N4BP2L1: variants seen among roughly 807,000 people sequenced by gnomAD.
The protein encoded by N4BP2L1 is NEDD4 binding protein 2 like 1.
N4BP2L1 carries 12 observed loss-of-function variants against 21.2 expected under a neutral mutation model. The observed-to-expected ratio is 0.57, with a 90% confidence interval of 0.36 to 0.92. The LOEUF (loss-of-function observed/expected upper bound fraction) is 0.92, where lower values mean the gene tolerates loss of function less well. Ranked by LOEUF, N4BP2L1 falls within the 40% of genes least tolerant of loss-of-function variation. The pLI is 0.01. For missense variants in N4BP2L1, 259 were observed against 310.6 expected, an observed-to-expected ratio of 0.83 and a Z score of 1.25; for synonymous variants, 104 against 112.8, an observed-to-expected ratio of 0.92 and a Z score of 0.49.
intron 1 of N4BP2L1, among the ~76,000 whole-genome samples, chr13:32,414,264 C>A (rs1227205570): frequency 6.6e-6 from 1 of 152,174 alleles, no homozygotes; most frequent in African/African-American, 2.4e-5. Context: ...ATATGGCATA[C>A]TTATTCCTAT....
chr13:32,426,685 C>T (rs1160918859), intron 1 of N4BP2L1, among the ~76,000 whole-genome samples: 1 of 152,154 alleles, frequency 6.6e-6, no homozygotes, highest in Non-Finnish European at 1.5e-5. Context: ...CCATGGCTAG[C>T]CTTATCTCTC....
chr13:32,428,009 G>GGCCGCT lies in N4BP2L1; in HGVS notation c.68_73dup (p.Gln23_Arg24dup), dbSNP rs755708222. On this transcript the variant is annotated inframe_insertion, in exon 1 of 5. Transcript: ENST00000380130. ...TGTCCCCCGCGGGGGCGGCCGGGGC[G>GGCCGCT]GCCGCTGCCGCTGCTGCTGCTGCTG... The GGCCGCT allele has an allele frequency of 3.1e-5, 49 of 1,560,354 alleles. No individual in the cohort carries two copies. The highest frequency in any genetic ancestry group is 4.1e-5 in the Non-Finnish European group (47 of 1,156,026).
chr13:32,403,140 G>C lies in N4BP2L1; in HGVS notation c.534C>G (p.His178Gln). ...GAAGCACACTGTGAAAAGTAACATC[G>C]TGTTCATACCGTTCTTTCATTCGGT... ...KIHRMKERYE[H>Q]DVTFHSVLHA... Residue 178 changes from histidine (H) to glutamine (Q), a missense_variant, in exon 5 of 5, where the codon CAC becomes CAG. His to Gln is a conservative substitution (Grantham distance 24). Coordinates refer to ENST00000380130, the MANE Select transcript of N4BP2L1 (RefSeq NM_052818.3). 1.2e-6 allele frequency: 2 copies of C among 1,613,676 alleles called. No individual in the cohort carries two copies. Among genetic ancestry groups the C allele is most frequent in the Non-Finnish European group, 1.7e-6 (2 of 1,179,864 alleles).
At chr13:32,427,849 C>A in intron 1 of N4BP2L1, 55 bp downstream of exon 1, 1 of 1,235,208 alleles carries the variant, frequency 8.1e-7, no homozygotes, top group Non-Finnish European at 1.0e-6. Flanking sequence ...TGCGCTCGGC[C>A]GGGGCGTTTG....
In N4BP2L1 at chr13:32,402,938, G is replaced by A. The variant is rs746123400; in HGVS notation, c.*4C>T. 1 of 1,574,622 alleles carries A rather than the reference G, an allele frequency of 6.4e-7. No homozygotes were observed. Among genetic ancestry groups the A allele is most frequent in the Non-Finnish European group, 8.6e-7 (1 of 1,157,782 alleles). On this transcript the variant is annotated 3_prime_UTR_variant, in exon 5 of 5. Coordinates refer to ENST00000380130, the MANE Select transcript of N4BP2L1 (RefSeq NM_052818.3). Reference sequence around the variant, plus strand: ...AAAATTCTGCCTGGCTGTAAGATAGGCCTCTAATATCCATGGTGACAACCG... The same window carrying A: ...AAAATTCTGCCTGGCTGTAAGATAGACCTCTAATATCCATGGTGACAACCG...
At chr13:32,408,712 T>G (rs2073674015) in intron 1 of N4BP2L1, among the ~76,000 whole-genome samples, 1 of 152,134 alleles carries the variant, frequency 6.6e-6, no homozygotes, top group South Asian at 2.1e-4. Context: ...ATGGCCATGC[T>G]CAGAATAAGA....
In N4BP2L1 at chr13:32,427,964, A is replaced by T. The variant is rs1010144092; in HGVS notation, c.119T>A (p.Phe40Tyr). The change falls in exon 1 of 5, where the codon TTT (phenylalanine) becomes TAT (tyrosine). Residue 40 changes from phenylalanine (F) to tyrosine (Y), a missense_variant. Physicochemically the swap from Phe to Tyr is conservative, Grantham distance 22 (BLOSUM62 3). This residue lies in a region of N4BP2L1 where 91 missense variants were observed against 148.1 expected (regional missense o/e 0.61). Coordinates refer to ENST00000380130, the MANE Select transcript of N4BP2L1 (RefSeq NM_052818.3). ...PRGTPPRRHS[F>Y]RKHLYLLRGL... Reference sequence around the variant, plus strand: ...TCGCAGGAGGTAGAGGTGTTTCCTAAAGCTGTGGCGGCGAGGAGGTGTCCC... The same window carrying T: ...TCGCAGGAGGTAGAGGTGTTTCCTATAGCTGTGGCGGCGAGGAGGTGTCCC... The T allele has an allele frequency of 1.9e-6, 3 of 1,544,296 alleles. No homozygotes were observed. In the African/African-American group the frequency reaches 4.2e-5, roughly 22 times the overall value.
chr13:32,402,354 G>T lies in N4BP2L1; in HGVS notation c.*588C>A, dbSNP rs567896576. Reference sequence around the variant, plus strand: ...AACAATGATACATCATTAAAATAAAGAAATAACTTCCCAAAGTGTCTACTT... The same window carrying T: ...AACAATGATACATCATTAAAATAAATAAATAACTTCCCAAAGTGTCTACTT... On this transcript the variant is annotated 3_prime_UTR_variant, in exon 5 of 5. Transcript: ENST00000380130. 5.9e-5 allele frequency: 37 copies of T among 630,922 alleles called. 1 individual carries two copies. In the East Asian group the frequency reaches 9.8e-4, roughly 17 times the overall value. 39.1% of individuals were successfully genotyped at this position (630,922 alleles called of 1,614,324 possible).
intron 1 of N4BP2L1, chr13:32,419,346 A>C (rs1273399721): frequency 2.4e-6 from 1 of 414,590 alleles, no homozygotes; most frequent in Admixed American, 2.8e-5. Flanking sequence ...CTCGGGTTCA[A>C]GTGATTCTCC....
Position 32,402,978 on chromosome 13 carries a change from G to T in N4BP2L1, c.696C>A (p.Ser232=). The part of the protein sequence containing the change: ...RAHGGFTNES[S]YHRRGGCHHG... ...GGTGACAACCGCCCCTTCTGTGATAGGAGCTCTCATTTGTAAATCCACCGT... is the reference window on the plus strand; with the variant it reads ...GGTGACAACCGCCCCTTCTGTGATATGAGCTCTCATTTGTAAATCCACCGT... The change falls in exon 5 of 5, where the codon TCC becomes TCA. Residue 232 remains serine (S), a synonymous_variant. Transcript: ENST00000380130. 6.2e-7 allele frequency: 1 copy of T among 1,613,340 alleles called. No individual in the cohort carries two copies. Among genetic ancestry groups the T allele is most frequent in the Non-Finnish European group, 8.5e-7 (1 of 1,179,476 alleles).
intron 1 of N4BP2L1, among the ~76,000 whole-genome samples, chr13:32,422,146 C>T (rs570729722): frequency 1.3e-5 from 2 of 152,224 alleles, no homozygotes; most frequent in African/African-American, 4.8e-5. Flanking sequence ...AAAATAAATT[C>T]CCTGGTGAGT....
chr13:32,402,462 C>T lies in N4BP2L1; in HGVS notation c.*480G>A, dbSNP rs1198207551. ...TCAGTATCATAAGAGTCGCACATCT[C>T]ACATTTTTAGATACATAGATTATCA... On this transcript the variant is annotated 3_prime_UTR_variant, in exon 5 of 5. Transcript: ENST00000380130. 1.1e-5 allele frequency: 11 copies of T among 972,562 alleles called. No individual in the cohort carries two copies. The highest frequency in any genetic ancestry group is 1.3e-5 in the Non-Finnish European group (11 of 818,816). 60.2% of individuals were successfully genotyped at this position (972,562 alleles called of 1,614,324 possible). A position where few individuals can be genotyped will look rare whatever the true frequency, so the allele number is the denominator to read the frequency against.
upstream of N4BP2L1, chr13:32,428,231 C>T (rs2074912508): frequency 2.7e-6 from 2 of 751,982 alleles, no homozygotes; most frequent in Admixed American, 3.7e-5. Context: ...CCCGCCGGAA[C>T]CGTGCTGCGT....
intron 1 of N4BP2L1, among the ~76,000 whole-genome samples, chr13:32,415,507 T>G (rs138417671): frequency 2.6e-5 from 4 of 152,240 alleles, no homozygotes; most frequent in African/African-American, 9.6e-5. Context: ...TATTTTCACA[T>G]TTGTCTTCTA....
intron 1 of N4BP2L1, among the ~76,000 whole-genome samples, chr13:32,422,966 A>G (rs2074565867): frequency 1.3e-5 from 2 of 149,842 alleles, no homozygotes; most frequent in South Asian, 4.4e-4. Flanking sequence ...GCTTGCTTTT[A>G]TTAATGAGAG....
chr13:32,405,996 G>A (rs903516675), intron 3 of N4BP2L1, among the ~76,000 whole-genome samples: 2 of 143,022 alleles, frequency 1.4e-5, no homozygotes, highest in Non-Finnish European at 3.0e-5. Flanking sequence ...TCCACCTCCC[G>A]GGTTCACGCC....
At chr13:32,415,941 T>A (rs2074113951) in intron 1 of N4BP2L1, 1 of 152,210 alleles carries the variant, frequency 6.6e-6, no homozygotes, top group African/African-American at 2.4e-5. Context: ...TCCTTAGAGG[T>A]TATATCCATT....
At chr13:32,425,165 G>C (rs879480428) in intron 1 of N4BP2L1, 2 of 152,132 alleles carry the variant, frequency 1.3e-5, no homozygotes, top group African/African-American at 2.4e-5. Context: ...CTATATACAT[G>C]TGTATTTTTA....
At chr13:32,409,605 G>A (rs182901507) in intron 1 of N4BP2L1, among the ~76,000 whole-genome samples, 207 of 152,358 alleles carry the variant, frequency 1.4e-3, no homozygotes, top group Admixed American at 3.6e-3. Flanking sequence ...CCAGCCAAAG[G>A]AGTCAGACCT....
Sources: allele counts gnomAD v4.1 joint callset (sites outside exome capture counted in the v4.1 genomes callset), GRCh38; gene constraint gnomAD v4.1.1; regional missense constraint gnomAD v4.1.1; transcripts MANE v1.5; gene names NCBI Gene and HGNC (gene_info 2026-07-23, HGNC 2026-07-21).